Variants in ITPR2 observed in about 807,000 individuals in gnomAD.
ITPR2 encodes the protein inositol 1,4,5-trisphosphate receptor type 2, also known as inositol 1,4,5-trisphosphate-gated calcium channel ITPR2.
Under a neutral mutation model 317.1 loss-of-function variants are expected in ITPR2, and 207 were observed. The observed-to-expected ratio is 0.65, with a 90% CI of 0.58 to 0.73. The LOEUF is 0.73. Ranked by LOEUF, ITPR2 falls within the 30% of genes least tolerant of loss-of-function variation. ITPR2 has a pLI of 0.00. For missense variants in ITPR2, 2,613 were observed against 3,284.0 expected (o/e 0.80, Z 4.99); for synonymous variants, 1,156 against 1,149.1 (o/e 1.01, Z -0.12).
At chr12:26,438,965 T>C (rs12366669) in intron 47 of ITPR2, among the ~76,000 whole-genome samples, 162 bp downstream of exon 47, 65,724 of 152,078 alleles carry the variant, frequency 0.43, 16,485 homozygotes, top group Non-Finnish European at 0.58. Context: ...TCGGCTCCAG[T>C]GGTAGACTAA....
rs576379876 is a variant in ITPR2 at position 26,362,049 on chromosome 12, T to C, written c.7858-21721A>G. On this transcript the variant is annotated intron_variant, in intron 55 of 56. Coordinates refer to ENST00000381340, the MANE Select transcript of ITPR2 (RefSeq NM_002223.4). ...AATCCCATTGCAATAAATACACTTA[T>C]GATGACTGGATCAAAGTAATTTTGT... is the stretch of plus-strand genomic sequence containing the variant. Among the ~76,000 whole-genome samples the C allele has an allele frequency of 5.9e-5, 9 of 152,304 alleles. No homozygotes were observed. The East Asian group carries it at 1.7e-3, about 29-fold the overall frequency.
chr12:26,828,032 T>C (rs1951034615), intron 1 of ITPR2, among the ~76,000 whole-genome samples: 1 of 152,242 alleles, frequency 6.6e-6, no homozygotes, highest in African/African-American at 2.4e-5. Flanking sequence ...TCACTTGTTT[T>C]TATAATACCC....
intron 1 of ITPR2, among the ~76,000 whole-genome samples, chr12:26,830,298 A>G (rs1478446444): frequency 6.6e-6 from 1 of 152,278 alleles, no homozygotes; most frequent in African/African-American, 2.4e-5. Flanking sequence ...GTTCATTAAT[A>G]GAAAAACAAT....
chr12:26,723,570 T>G (rs1948870996), intron 4 of ITPR2, among the ~76,000 whole-genome samples: 1 of 152,200 alleles, frequency 6.6e-6, no homozygotes, highest in Non-Finnish European at 1.5e-5. Context: ...AGGTTTCACA[T>G]TATCCATCAT....
rs775396188 is a variant in ITPR2 at position 26,475,423 on chromosome 12, C to T, written c.6220-5G>A. 17 of 1,591,968 alleles carry T rather than the reference C, an allele frequency of 1.1e-5. No individual in the cohort carries two copies. The highest frequency in any genetic ancestry group is 8.2e-5 in the African/African-American group (6 of 72,794). Reference sequence around the variant, plus strand: ...GGCATTCTTCATCACATCCACCTATCCAAAAAAAAAAAGAATATTGAAATG... The same window carrying T: ...GGCATTCTTCATCACATCCACCTATTCAAAAAAAAAAAGAATATTGAAATG... On this transcript the variant is annotated splice_polypyrimidine_tract_variant and splice_region_variant and intron_variant, in intron 44 of 56. Coordinates refer to ENST00000381340, the MANE Select transcript of ITPR2 (RefSeq NM_002223.4).
At chr12:26,789,837 C>T (rs893378622) in intron 2 of ITPR2, among the ~76,000 whole-genome samples, 7 of 152,192 alleles carry the variant, frequency 4.6e-5, no homozygotes, top group Non-Finnish European at 8.8e-5. Context: ...ACATTTATAA[C>T]TGTCAGAGAA....
At chr12:26,359,626 C>T (rs1360905521) in intron 55 of ITPR2, among the ~76,000 whole-genome samples, 2 of 151,908 alleles carry the variant, frequency 1.3e-5, no homozygotes, top group African/African-American at 4.8e-5. Context: ...ATATTTAGAA[C>T]ATGCTTTTGG....
At chr12:26,389,608 T>A (rs1194919678) in intron 54 of ITPR2, among the ~76,000 whole-genome samples, 1 of 152,140 alleles carries the variant, frequency 6.6e-6, no homozygotes, top group East Asian at 1.9e-4. Flanking sequence ...ACCTTCAAAT[T>A]TTTGCTGAAA....
At chr12:26,450,325 A>G (rs1941707198) in intron 45 of ITPR2, among the ~76,000 whole-genome samples, 1 of 152,182 alleles carries the variant, frequency 6.6e-6, no homozygotes, top group African/African-American at 2.4e-5. Flanking sequence ...GTGGCAAGAT[A>G]AACTCAGATT....
chr12:26,802,446 AAGACCAGCCTGGGCCACATAGTG>A (rs1950571503), intron 1 of ITPR2, among the ~76,000 whole-genome samples: 1 of 151,970 alleles, frequency 6.6e-6, no homozygotes, highest in Admixed American at 6.6e-5. Context: ...TCAGGAGTTC[AAGACCAGCCTGGGCCACATAGTG>A]AGACTCTGTC....
rs3782299 is a variant in ITPR2 at position 26,633,205 on chromosome 12, G to A, written c.2741-1146C>T. Among the ~76,000 whole-genome samples the A allele has an allele frequency of 7.5e-4, 114 of 151,210 alleles. 1 individual carries two copies. In the East Asian group the frequency reaches 9.5e-3, roughly 13 times the overall value. On this transcript the variant is annotated intron_variant, in intron 21 of 56. Transcript: ENST00000381340. Reference sequence around the variant, plus strand: ...AAACCATGGTAATACCTACAGGATCGAAAGGCAAACAAATAAAAAGAAAAT... The same window carrying A: ...AAACCATGGTAATACCTACAGGATCAAAAGGCAAACAAATAAAAAGAAAAT...
chr12:26,721,312 AT>A, intron 5 of ITPR2: 1 of 615,002 alleles, frequency 1.6e-6, no homozygotes, highest in South Asian at 2.0e-5. Flanking sequence ...CAGATAATTT[AT>A]TAACCAAATT....
chr12:26,655,187 A>G (rs1947342718), intron 20 of ITPR2, among the ~76,000 whole-genome samples: 1 of 152,208 alleles, frequency 6.6e-6, no homozygotes. Flanking sequence ...AAAATATGCA[A>G]AACTGCCTTT....
At chr12:26,695,926 G>GA (rs1343987620) in intron 9 of ITPR2, among the ~76,000 whole-genome samples, 1 of 151,968 alleles carries the variant, frequency 6.6e-6, no homozygotes, top group Middle Eastern at 3.4e-3. Flanking sequence ...ACCTCCTCTG[G>GA]AAAAATATTC....
At chr12:26,359,995 C>T (rs1475472190) in intron 55 of ITPR2, among the ~76,000 whole-genome samples, 1 of 152,168 alleles carries the variant, frequency 6.6e-6, no homozygotes, top group Non-Finnish European at 1.5e-5. Context: ...CTCAAGTTGC[C>T]ATGGCTCTCG....
intron 10 of ITPR2, among the ~76,000 whole-genome samples, chr12:26,691,183 G>A (rs1172886939): frequency 2.6e-5 from 4 of 152,128 alleles, no homozygotes; most frequent in Non-Finnish European, 5.9e-5. Flanking sequence ...TCTGAATAAC[G>A]TGTGATAAGT....
At position 26,578,713 on chromosome 12, in the gene ITPR2, C is replaced by A; in HGVS notation, c.4630G>T (p.Ala1544Ser). 6.3e-7 allele frequency: 1 copy of A among 1,595,792 alleles called. No homozygotes were observed. The highest frequency in any genetic ancestry group is 1.1e-5 in the South Asian group (1 of 88,360). ...AAGTAAAACTCAAACTATGACTTAC[C>A]CACTTCAGCCAAAGTTCTGATACAG... is the stretch of plus-strand genomic sequence containing the variant. The part of the protein sequence containing the change: ...ESCIRTLAEV[A>S]KNRGIAIPVD... The change falls in exon 34 of 57, where the codon GCA becomes TCA. Residue 1544 changes from alanine to serine, a missense_variant and splice_region_variant. By Grantham distance (99) the Ala-to-Ser change is moderately conservative. This residue lies in a region of ITPR2 where 926 missense variants were observed against 1,072.8 expected (regional missense o/e 0.86). Coordinates refer to ENST00000381340, the MANE Select transcript of ITPR2 (RefSeq NM_002223.4).
At chr12:26,499,244 T>C (rs1286919183) in intron 37 of ITPR2, among the ~76,000 whole-genome samples, 1 of 152,238 alleles carries the variant, frequency 6.6e-6, no homozygotes, top group Non-Finnish European at 1.5e-5. Flanking sequence ...ATAATCACAG[T>C]GCCTATCAGA....
chr12:26,600,357 C>A (rs1013895755), intron 28 of ITPR2, among the ~76,000 whole-genome samples: 7 of 152,056 alleles, frequency 4.6e-5, no homozygotes, highest in Admixed American at 4.6e-4. Flanking sequence ...CCAATGCCCC[C>A]TTCATTTCAC....
Sources: allele counts gnomAD v4.1 joint callset (sites outside exome capture counted in the v4.1 genomes callset), GRCh38; gene constraint gnomAD v4.1.1; regional missense constraint gnomAD v4.1.1; transcripts MANE v1.5; gene names NCBI Gene and HGNC (gene_info 2026-07-23, HGNC 2026-07-21).